The following LRMDA variants were observed in gnomAD, a reference collection of about 807,000 sequenced individuals.
LRMDA encodes the protein leucine rich melanocyte differentiation associated.
Under a neutral mutation model 29.8 loss-of-function variants are expected in LRMDA, and 18 were observed. That is an observed-to-expected ratio of 0.60 (90% CI 0.42 to 0.90). The LOEUF (loss-of-function observed/expected upper bound fraction) is 0.90, where lower values mean the gene tolerates loss of function less well. LRMDA is among the 40% of genes least tolerant of loss of function. The probability of loss-of-function intolerance (pLI) is 0.00; values close to 1 mark genes in which losing one functional copy is unlikely to be tolerated. For synonymous variants in LRMDA, 125 were observed against 109.4 expected (o/e 1.14, Z -0.89); for missense variants, 273 against 273.9 (o/e 1.00, Z 0.02).
chr10:75,509,992 C>T (rs1288715653), intron 2 of LRMDA, among the ~76,000 whole-genome samples: 2 of 152,178 alleles, frequency 1.3e-5, no homozygotes, highest in Non-Finnish European at 2.9e-5. Flanking sequence ...GCCCTGAGTT[C>T]AAATGGGAGA....
intron 2 of LRMDA, among the ~76,000 whole-genome samples, chr10:75,840,596 C>T (rs1046484270): frequency 3.9e-5 from 6 of 152,072 alleles, no homozygotes; most frequent in Admixed American, 2.0e-4. Flanking sequence ...TGAGCACGCA[C>T]GTGTGTTGTA....
rs182175272 is a variant in LRMDA at position 76,375,572 on chromosome 10, T to C, written c.601+51087T>C. 3.1e-3 allele frequency among the ~76,000 whole-genome samples: 466 copies of C among 152,306 alleles called. 4 individuals are homozygous for C. Among genetic ancestry groups the C allele is most frequent in the African/African-American group, 0.011 (437 of 41,568 alleles). On this transcript the variant is annotated intron_variant, in intron 6 of 6. Coordinates refer to ENST00000611255, the MANE Select transcript of LRMDA (RefSeq NM_001305581.2). The stretch of plus-strand genomic sequence containing the variant: ...ATAACCTATATGACTAGTTTATAGA[T>C]GCAGTGGATCTGACTGACAAACTGC...
chr10:76,318,110 A>T (rs867300606), intron 5 of LRMDA, among the ~76,000 whole-genome samples: 5 of 152,208 alleles, frequency 3.3e-5, no homozygotes, highest in African/African-American at 1.2e-4. Context: ...CTTCTGTTAT[A>T]TAAGTGTCTG....
At chr10:76,376,687 A>G (rs931666451) in intron 6 of LRMDA, among the ~76,000 whole-genome samples, 3 of 152,098 alleles carry the variant, frequency 2.0e-5, no homozygotes, top group East Asian at 3.9e-4. Flanking sequence ...CCAGTAGGGT[A>G]TAAGCATTCA....
At chr10:75,724,528 T>C (rs1842607588) in intron 2 of LRMDA, among the ~76,000 whole-genome samples, 1 of 152,194 alleles carries the variant, frequency 6.6e-6, no homozygotes, top group South Asian at 2.1e-4. Flanking sequence ...GAAATATTGA[T>C]ATTTTCTTTG....
chr10:76,539,190 A>C (rs1843325865), intron 6 of LRMDA, among the ~76,000 whole-genome samples: 1 of 152,182 alleles, frequency 6.6e-6, no homozygotes, highest in Non-Finnish European at 1.5e-5. Context: ...CTCTGATAGA[A>C]ACCCCAAGGA....
intron 2 of LRMDA, among the ~76,000 whole-genome samples, chr10:75,919,449 C>T (rs1304132954): frequency 6.6e-6 from 1 of 152,172 alleles, no homozygotes; most frequent in Non-Finnish European, 1.5e-5. Flanking sequence ...TTGGAGCATA[C>T]AGATCCTGTG....
intron 2 of LRMDA, among the ~76,000 whole-genome samples, chr10:75,961,975 A>T (rs920340653): frequency 6.6e-6 from 1 of 152,074 alleles, no homozygotes; most frequent in African/African-American, 2.4e-5. Flanking sequence ...CTCTGCCTCC[A>T]TCTTCACCTG....
At chr10:75,686,073 C>G (rs968392982) in intron 2 of LRMDA, among the ~76,000 whole-genome samples, 1 of 152,110 alleles carries the variant, frequency 6.6e-6, no homozygotes, top group African/African-American at 2.4e-5. Context: ...GGATTTGAAC[C>G]TGAACAAGCT....
chr10:75,734,802 G>GA (rs1200960816), intron 2 of LRMDA, among the ~76,000 whole-genome samples: 5 of 152,134 alleles, frequency 3.3e-5, no homozygotes, highest in Non-Finnish European at 7.4e-5. Flanking sequence ...AGGACTGGGA[G>GA]AAAAAAATTG....
At chr10:76,020,909 C>T (rs1258794179) in intron 2 of LRMDA, among the ~76,000 whole-genome samples, 1 of 152,204 alleles carries the variant, frequency 6.6e-6, no homozygotes, top group Non-Finnish European at 1.5e-5. Context: ...ACTCTTCCTT[C>T]AATTTTCCCT....
chr10:76,090,314 T>C (rs1427255645), intron 5 of LRMDA, among the ~76,000 whole-genome samples: 1 of 152,134 alleles, frequency 6.6e-6, no homozygotes, highest in African/African-American at 2.4e-5. Flanking sequence ...GTGGCTAGGT[T>C]TGGGTTGGGG....
At chr10:76,465,529 A>C (rs1842556015) in intron 6 of LRMDA, among the ~76,000 whole-genome samples, 1 of 152,188 alleles carries the variant, frequency 6.6e-6, no homozygotes, top group African/African-American at 2.4e-5. Flanking sequence ...CCTATGAAAA[A>C]GGAAAGTGAA....
At chr10:76,273,972 AC>A (rs1336518934) in intron 5 of LRMDA, among the ~76,000 whole-genome samples, 1 of 152,054 alleles carries the variant, frequency 6.6e-6, no homozygotes, top group Non-Finnish European at 1.5e-5. Flanking sequence ...CTTTTTTTAG[AC>A]AGAGCAGGAT....
At chr10:75,553,389 A>G (rs1467423222) in intron 2 of LRMDA, among the ~76,000 whole-genome samples, 1 of 152,204 alleles carries the variant, frequency 6.6e-6, no homozygotes, top group African/African-American at 2.4e-5. Flanking sequence ...AGCTGGTCCC[A>G]TATGCTTACT....
chr10:75,876,985 C>T (rs1336570634), intron 2 of LRMDA, among the ~76,000 whole-genome samples: 1 of 152,092 alleles, frequency 6.6e-6, no homozygotes, highest in Non-Finnish European at 1.5e-5. Flanking sequence ...TGCTGCTGGC[C>T]CACCAGCCAC....
At chr10:75,964,084 T>C (rs1308324458) in intron 2 of LRMDA, among the ~76,000 whole-genome samples, 1 of 152,204 alleles carries the variant, frequency 6.6e-6, no homozygotes, top group Non-Finnish European at 1.5e-5. Flanking sequence ...GTTCATATTA[T>C]GAAATTTCGA....
chr10:76,416,177 A>G (rs921828118), intron 6 of LRMDA, among the ~76,000 whole-genome samples: 4 of 152,192 alleles, frequency 2.6e-5, no homozygotes, highest in East Asian at 1.9e-4. Flanking sequence ...GCAGAACTCT[A>G]CAAGGCAGGA....
chr10:75,967,786 G>T (rs1846891543), intron 2 of LRMDA, among the ~76,000 whole-genome samples: 1 of 152,014 alleles, frequency 6.6e-6, no homozygotes, highest in South Asian at 2.1e-4. Flanking sequence ...GGTGGGGGAG[G>T]AGCTGAGGAG....
Sources: allele counts gnomAD v4.1 joint callset (sites outside exome capture counted in the v4.1 genomes callset), GRCh38; gene constraint gnomAD v4.1.1; transcripts MANE v1.5; gene names NCBI Gene and HGNC (gene_info 2026-07-23, HGNC 2026-07-21).